RAPGEF4: variants seen among roughly 807,000 people sequenced by gnomAD.
RAPGEF4 encodes the protein RAP guanine-nucleotide-exchange factor (GEF) 4.
A neutral mutation model predicts 147.9 loss-of-function variants in RAPGEF4; 66 were observed. That is an observed-to-expected ratio of 0.45 (90% CI 0.37 to 0.55). The LOEUF (loss-of-function observed/expected upper bound fraction) is 0.55, where lower values mean the gene tolerates loss of function less well. Ranked by LOEUF, RAPGEF4 falls within the 20% of genes least tolerant of loss-of-function variation. RAPGEF4 has a pLI of 0.00. For synonymous variants in RAPGEF4, 419 were observed against 442.7 expected (o/e 0.95, Z 0.67); for missense variants, 1,071 against 1,257.3 (o/e 0.85, Z 2.24).
At chr2:172,899,027 G>T (rs1468801332) in intron 4 of RAPGEF4, among the ~76,000 whole-genome samples, 1 of 152,142 alleles carries the variant, frequency 6.6e-6, no homozygotes, top group South Asian at 2.1e-4. Context: ...ATTGATGTGG[G>T]CAAAATGCAG....
chr2:173,016,476 A>C (rs1371123507), intron 19 of RAPGEF4, 39 bp downstream of exon 19: 1 of 1,506,240 alleles, frequency 6.6e-7, no homozygotes, highest in Non-Finnish European at 9.2e-7. Context: ...GCTTTCATCA[A>C]GTAAATCTCA....
chr2:172,887,510 T>C (rs1697375595), intron 4 of RAPGEF4, among the ~76,000 whole-genome samples: 1 of 152,248 alleles, frequency 6.6e-6, no homozygotes. Context: ...TCCAGACTAC[T>C]GCCTGGGTTT....
In RAPGEF4 at chr2:173,042,798, T is replaced by C. The variant is rs925750447; in HGVS notation, c.2854-5802T>C. Among the ~76,000 whole-genome samples, 2 of 152,188 alleles carry C rather than the reference T, an allele frequency of 1.3e-5. No individual in the cohort carries two copies. Among genetic ancestry groups the C allele is most frequent in the African/African-American group, 2.4e-5 (1 of 41,436 alleles). ...CCTCCAGTGTCCCTCCCTGAGTACA[T>C]AGAGGTATACATGCTCTACACGTGC... On this transcript the variant is annotated intron_variant, in intron 29 of 30. Transcript: ENST00000397081. This position sits in a 1 kb window ranked among gnomAD's most constrained non-coding sequence, Gnocchi z 4.2.
intron 23 of RAPGEF4, among the ~76,000 whole-genome samples, chr2:173,025,492 G>T (rs1240926040): frequency 6.6e-6 from 1 of 152,002 alleles, no homozygotes; most frequent in African/African-American, 2.4e-5. Context: ...GCCCAGGCTG[G>T]GGTGCAGTGG....
At chr2:172,992,619 C>G (rs1692937855) in intron 15 of RAPGEF4, among the ~76,000 whole-genome samples, 1 of 152,106 alleles carries the variant, frequency 6.6e-6, no homozygotes, top group African/African-American at 2.4e-5. Flanking sequence ...GGGTGTTCTC[C>G]AAATATAGGT....
intron 4 of RAPGEF4, among the ~76,000 whole-genome samples, chr2:172,845,614 A>T (rs1036084999): frequency 2.0e-5 from 3 of 152,196 alleles, no homozygotes; most frequent in Admixed American, 1.3e-4. Flanking sequence ...GGCAGATGGA[A>T]AGGAAATGTG....
intron 3 of RAPGEF4, among the ~76,000 whole-genome samples, chr2:172,810,629 T>C (rs369418098): frequency 8.5e-5 from 13 of 152,322 alleles, no homozygotes; most frequent in African/African-American, 2.6e-4. Flanking sequence ...GTGTGTGTGT[T>C]CCCATCAGCC....
In RAPGEF4 at chr2:172,985,462, T is replaced by G. The variant is rs1485506069; in HGVS notation, c.1119T>G (p.Ile373Met). 2 of 1,613,994 alleles carry G rather than the reference T, an allele frequency of 1.2e-6. No individual in the cohort carries two copies. Among genetic ancestry groups the G allele is most frequent in the Non-Finnish European group, 1.7e-6 (2 of 1,179,970 alleles). ...AACGAGAGTTAGCAGGTGTTCTCAT[T>G]TTTGAGTCTCACGCCAAAGGAGGGA... The part of the protein sequence containing the change: ...TVKRELAGVL[I>M]FESHAKGGTV... The change falls in exon 12 of 31, where the codon ATT becomes ATG. Residue 373 changes from isoleucine to methionine, a missense_variant. Transcript: ENST00000397081.
At chr2:172,836,659 C>A (rs1210839268) in intron 4 of RAPGEF4, among the ~76,000 whole-genome samples, 1 of 152,140 alleles carries the variant, frequency 6.6e-6, no homozygotes, top group Non-Finnish European at 1.5e-5. Context: ...ACCAGTCAGG[C>A]CATAATTATT....
At chr2:173,037,476 G>A (rs1018596627) in intron 29 of RAPGEF4, among the ~76,000 whole-genome samples, 40 of 152,190 alleles carry the variant, frequency 2.6e-4, no homozygotes, top group Admixed American at 2.0e-4. Flanking sequence ...TAGCGGGGGG[G>A]AAAGCAAGGT....
At chr2:172,911,940 A>G (rs897980719) in intron 4 of RAPGEF4, among the ~76,000 whole-genome samples, 5 of 150,762 alleles carry the variant, frequency 3.3e-5, no homozygotes, top group African/African-American at 1.2e-4. Context: ...CTAATATTTT[A>G]ATTTGTTGTA....
intron 1 of RAPGEF4, among the ~76,000 whole-genome samples, chr2:172,780,293 A>G (rs922876985): frequency 1.3e-4 from 20 of 152,230 alleles, no homozygotes; most frequent in African/African-American, 4.6e-4. Flanking sequence ...ACAAAGAAGA[A>G]TACATTTTAG....
At chr2:172,841,205 C>T (rs1052262524) in intron 4 of RAPGEF4, among the ~76,000 whole-genome samples, 2 of 152,210 alleles carry the variant, frequency 1.3e-5, no homozygotes, top group Admixed American at 6.5e-5. Flanking sequence ...CTTTGTGCCA[C>T]TCCAAGAAGT....
chr2:172,737,444 G>C (rs1693898346), intron 1 of RAPGEF4, among the ~76,000 whole-genome samples: 1 of 89,498 alleles, frequency 1.1e-5, no homozygotes, highest in Admixed American at 1.3e-4. Flanking sequence ...TTCCTTATGA[G>C]CAAAATTTTT....
chr2:172,820,732 G>A (rs767022945), intron 4 of RAPGEF4, among the ~76,000 whole-genome samples: 23 of 152,202 alleles, frequency 1.5e-4, no homozygotes, highest in Non-Finnish European at 2.6e-4. Flanking sequence ...AAAGTAATTA[G>A]TAAATAGAGA....
At chr2:172,938,442 G>A (rs1686823286) in intron 6 of RAPGEF4, among the ~76,000 whole-genome samples, 1 of 152,054 alleles carries the variant, frequency 6.6e-6, no homozygotes, top group Admixed American at 6.6e-5. Flanking sequence ...CATTTACAGT[G>A]GTTTAAACTG....
At chr2:172,785,446 CT>C (rs555552452) in intron 1 of RAPGEF4, among the ~76,000 whole-genome samples, 6 of 152,142 alleles carry the variant, frequency 3.9e-5, no homozygotes, top group Non-Finnish European at 8.8e-5. Flanking sequence ...CTTCTGTAGC[CT>C]TTTATAATTG....
intron 4 of RAPGEF4, among the ~76,000 whole-genome samples, chr2:172,911,615 C>T (rs1691986494): frequency 6.6e-6 from 1 of 152,022 alleles, no homozygotes; most frequent in Non-Finnish European, 1.5e-5. Context: ...TGTACCACCA[C>T]ACCCAGCTAA....
chr2:172,751,341 T>G (rs550573846), intron 1 of RAPGEF4, among the ~76,000 whole-genome samples: 1 of 152,344 alleles, frequency 6.6e-6, no homozygotes, highest in African/African-American at 2.4e-5. Context: ...CATTCATTCA[T>G]TCAGTCAGTC....
Sources: gnomAD v4.1 joint callset for allele counts (sites outside exome capture counted in the v4.1 genomes callset) on GRCh38, gnomAD v4.1.1 for gene constraint, Gnocchi (gnomAD v3.1) non-coding constraint, MANE v1.5 for transcripts, NCBI Gene and HGNC (gene_info 2026-07-23, HGNC 2026-07-21) for gene names.